Variants in MTHFD1L observed in about 807,000 individuals in gnomAD.
MTHFD1L encodes the protein monofunctional C1-tetrahydrofolate synthase, mitochondrial.
A neutral mutation model predicts 119.5 loss-of-function variants in MTHFD1L; 81 were observed. The observed-to-expected ratio is 0.68, with a 90% confidence interval of 0.57 to 0.82. The LOEUF is 0.82. Among genes scored for constraint, MTHFD1L ranks in the 40% least tolerant of loss-of-function variants. MTHFD1L has a pLI of 0.00. For synonymous variants in MTHFD1L, 430 were observed against 475.2 expected, an observed-to-expected ratio of 0.90 and a Z score of 1.24; for missense variants, 1,125 against 1,253.4, an observed-to-expected ratio of 0.90 and a Z score of 1.55.
chr6:150,886,134 G>A (rs1046609519), intron 6 of MTHFD1L, among the ~76,000 whole-genome samples: 15 of 152,102 alleles, frequency 9.9e-5, no homozygotes, highest in Admixed American at 4.6e-4. Flanking sequence ...TAAGACTTAC[G>A]TTGAAGACTT....
chr6:151,017,578 C>G (rs1305112929), intron 24 of MTHFD1L, among the ~76,000 whole-genome samples: 1 of 152,068 alleles, frequency 6.6e-6, no homozygotes, highest in Admixed American at 6.5e-5. Context: ...AACTCCTGAC[C>G]TTGTGATCCA....
Position 151,101,563 on chromosome 6 carries a change from G to A in MTHFD1L, c.*69G>A, listed in dbSNP as rs1488867225. On this transcript the variant is annotated 3_prime_UTR_variant, in exon 28 of 28. Transcript: ENST00000367321. ...GACTACTCTTTGCCTTTTTGCTGCA[G>A]TTGGAGAAGAAACTGAATTTGAAAA... 1 of 152,360 alleles carries A rather than the reference G, an allele frequency of 6.6e-6. No homozygotes were observed. The highest frequency in any genetic ancestry group is 2.4e-5 in the African/African-American group (1 of 41,360). 9.4% of individuals were successfully genotyped at this position (152,360 alleles called of 1,614,324 possible).
chr6:150,963,963 C>T (rs896787113), intron 18 of MTHFD1L, among the ~76,000 whole-genome samples: 15 of 152,064 alleles, frequency 9.9e-5, no homozygotes, highest in African/African-American at 2.9e-4. Context: ...GTCAGGAGTT[C>T]GCGACCAGCC....
At chr6:151,072,188 AT>A (rs1792026357) in intron 26 of MTHFD1L, among the ~76,000 whole-genome samples, 1 of 148,124 alleles carries the variant, frequency 6.8e-6, no homozygotes, top group Non-Finnish European at 1.5e-5. Context: ...CCAAAAAAAA[AT>A]TATTTTTCCT....
intron 17 of MTHFD1L, chr6:150,959,225 T>C: frequency 1.0e-6 from 1 of 980,930 alleles, no homozygotes; most frequent in South Asian, 4.7e-5. Flanking sequence ...AGCTCCTTAT[T>C]TCCTTCCTTT....
chr6:150,965,661 A>G (rs77811734), intron 19 of MTHFD1L, among the ~76,000 whole-genome samples: 17 of 21,936 alleles, frequency 7.7e-4, no homozygotes, highest in African/African-American at 2.9e-3. Context: ...ACTCCGTCTG[A>G]AAAAAAAAAA....
At chr6:150,955,867 C>A in intron 16 of MTHFD1L, 128 bp from the exon 17 acceptor site, 2 of 721,526 alleles carry the variant, frequency 2.8e-6, no homozygotes, top group Non-Finnish European at 4.8e-6. Context: ...ACTAGATGGT[C>A]AGCTTGGGGG....
Position 150,960,529 on chromosome 6 carries a change from GT to G in MTHFD1L, c.1944+117del, listed in dbSNP as rs1796282466. On this transcript the variant is annotated intron_variant, in intron 18 of 27. Coordinates refer to ENST00000367321, the MANE Select transcript of MTHFD1L (RefSeq NM_015440.5). The stretch of plus-strand genomic sequence containing the variant: ...TGAGTGTAATGAGGATACAGAAAAA[GT>G]TTCCACACACACATTTCTTCCCCGA... The G allele has an allele frequency of 5.9e-6, 8 of 1,353,908 alleles. No individual in the cohort carries two copies. The African/African-American group carries it at 1.0e-4, about 17-fold the overall frequency. 83.9% of individuals were successfully genotyped at this position (1,353,908 alleles called of 1,614,324 possible).
intron 18 of MTHFD1L, among the ~76,000 whole-genome samples, chr6:150,960,660 A>G (rs142413979): frequency 1.9e-4 from 29 of 152,230 alleles, no homozygotes; most frequent in African/African-American, 6.7e-4. Flanking sequence ...GGAGCTTTCC[A>G]CCATCCTTGC....
At chr6:150,928,097 C>T (rs1008698674) in intron 11 of MTHFD1L, among the ~76,000 whole-genome samples, 7 of 152,036 alleles carry the variant, frequency 4.6e-5, no homozygotes, top group South Asian at 2.1e-4. Context: ...GAAAAATCCC[C>T]GGAAGTGAGT....
At chr6:150,938,634 C>T in intron 12 of MTHFD1L, 65 bp from the exon 13 acceptor site, 3 of 1,552,054 alleles carry the variant, frequency 1.9e-6, no homozygotes, top group Non-Finnish European at 2.6e-6. Flanking sequence ...TGTCCCTTGG[C>T]CTGTGTCCAT....
Position 151,041,296 on chromosome 6 carries a change from C to T in MTHFD1L, c.2847+4179C>T, listed in dbSNP as rs1324687630. ...GGACTGGTATTTATTTTTACTTGAC[C>T]CCATTCTGGGCCTTGCCACAGTCTG... On this transcript the variant is annotated intron_variant, in intron 26 of 27. Coordinates refer to ENST00000367321, the MANE Select transcript of MTHFD1L (RefSeq NM_015440.5). Among the ~76,000 whole-genome samples the T allele has an allele frequency of 3.3e-5, 5 of 152,168 alleles. No homozygotes were observed. The East Asian group carries it at 9.6e-4, about 29-fold the overall frequency.
At chr6:150,904,614 C>T (rs1023884176) in intron 7 of MTHFD1L, among the ~76,000 whole-genome samples, 1 of 152,164 alleles carries the variant, frequency 6.6e-6, no homozygotes, top group Non-Finnish European at 1.5e-5. Context: ...ATTCACCCCT[C>T]CCTCTGCATA....
At chr6:151,020,071 C>T (rs1783733690) in intron 24 of MTHFD1L, among the ~76,000 whole-genome samples, 2 of 152,202 alleles carry the variant, frequency 1.3e-5, no homozygotes, top group South Asian at 4.1e-4. Context: ...CTTTGCTTCT[C>T]AAAGCAAACT....
intron 26 of MTHFD1L, among the ~76,000 whole-genome samples, chr6:151,069,998 G>A (rs1791783429): frequency 6.6e-6 from 1 of 152,138 alleles, no homozygotes; most frequent in Admixed American, 6.5e-5. Context: ...TCGGCAAGGT[G>A]TCTTTTTTTT....
At chr6:151,003,307 G>A (rs1001000054) in intron 20 of MTHFD1L, among the ~76,000 whole-genome samples, 13 of 152,106 alleles carry the variant, frequency 8.5e-5, no homozygotes, top group East Asian at 5.8e-4. Flanking sequence ...CGAGGTGGGC[G>A]GATCACCTGA....
At chr6:151,089,958 T>C (rs1306877675) in intron 26 of MTHFD1L, among the ~76,000 whole-genome samples, 1 of 152,244 alleles carries the variant, frequency 6.6e-6, no homozygotes, top group Non-Finnish European at 1.5e-5. Context: ...TGCAGTTTAT[T>C]GCCTGGAACC....
At chr6:151,006,263 C>T (rs1438318810) in intron 20 of MTHFD1L, among the ~76,000 whole-genome samples, 1 of 152,162 alleles carries the variant, frequency 6.6e-6, no homozygotes, top group Non-Finnish European at 1.5e-5. Flanking sequence ...CAGGAAATGG[C>T]ACATCCAAGC....
intron 26 of MTHFD1L, among the ~76,000 whole-genome samples, chr6:151,059,037 AG>A (rs1790327032): frequency 1.3e-5 from 2 of 151,970 alleles, no homozygotes; most frequent in African/African-American, 4.8e-5. Context: ...TGCCTCAGTG[AG>A]GGGCAGGCTG....
Sources: allele counts gnomAD v4.1 joint callset (sites outside exome capture counted in the v4.1 genomes callset), GRCh38; gene constraint gnomAD v4.1.1; transcripts MANE v1.5; gene names NCBI Gene and HGNC (gene_info 2026-07-23, HGNC 2026-07-21).